SQOR: variants seen among roughly 807,000 people sequenced by gnomAD.
SQOR encodes sulfide quinone oxidoreductase.
In SQOR, 39 loss-of-function variants were observed where a neutral mutation model predicts 48.6. That is an observed-to-expected ratio of 0.80 (90% CI 0.62 to 1.05). The LOEUF (loss-of-function observed/expected upper bound fraction) is 1.05, where lower values mean the gene tolerates loss of function less well. SQOR is among the 50% of genes least tolerant of loss of function. The probability of loss-of-function intolerance (pLI) is 0.00; values close to 1 mark genes in which losing one functional copy is unlikely to be tolerated. For missense variants in SQOR, 561 were observed against 559.9 expected (o/e 1.00, Z -0.02); for synonymous variants, 220 against 206.2 (o/e 1.07, Z -0.57).
In SQOR at chr15:45,669,998, T is replaced by C; in HGVS notation, c.459+17T>C. ...TATGAGAAGGTACCGTGTGAAACTGTTTCTGTGTTACGCTGGCTTATCTAT... is the reference window on the plus strand; with the variant it reads ...TATGAGAAGGTACCGTGTGAAACTGCTTCTGTGTTACGCTGGCTTATCTAT... On this transcript the variant is annotated intron_variant, in intron 4 of 9. Transcript: ENST00000260324. The C allele has an allele frequency of 6.2e-7, 1 of 1,613,124 alleles. No individual in the cohort carries two copies. Among genetic ancestry groups the C allele is most frequent in the Non-Finnish European group, 8.5e-7 (1 of 1,179,104 alleles).
intron 1 of SQOR, among the ~76,000 whole-genome samples, chr15:45,637,023 C>T (rs1296149843): frequency 1.3e-5 from 2 of 149,670 alleles, no homozygotes; most frequent in African/African-American, 2.5e-5. Flanking sequence ...CTTGCTGTGT[C>T]GCCTAAGCTG....
At chr15:45,682,409 AGGGGGAG>A in intron 6 of SQOR, 62 bp from the exon 7 acceptor site, 3 of 1,538,254 alleles carry the variant, frequency 2.0e-6, no homozygotes, top group Admixed American at 3.6e-5. Context: ...TAAGGAAGGT[AGGGGGAG>A]AGCTTGTGGA....
upstream of SQOR, chr15:45,631,592 A>T (rs1472236577): frequency 6.6e-6 from 1 of 152,216 alleles, no homozygotes; most frequent in Non-Finnish European, 1.5e-5. Context: ...ACAGTACTGG[A>T]GGATCAGCCT....
At chr15:45,640,631 T>C (rs1448729342) in intron 1 of SQOR, among the ~76,000 whole-genome samples, 1 of 152,200 alleles carries the variant, frequency 6.6e-6, no homozygotes, top group Non-Finnish European at 1.5e-5. Context: ...CCTCACACAC[T>C]GGATTCCAAG....
At chr15:45,658,838 GA>G in intron 1 of SQOR, 68 bp from the exon 2 acceptor site, 1 of 1,267,920 alleles carries the variant, frequency 7.9e-7, no homozygotes, top group Non-Finnish European at 1.0e-6. Flanking sequence ...CTTCCTCCTG[GA>G]AAGAAAACGC....
Position 45,682,480 on chromosome 15 carries a change from T to TTCATGTA in SQOR, c.867_868insTCATGTA (p.Glu290SerfsTer24). 2 of 1,614,052 alleles carry TTCATGTA rather than the reference T, an allele frequency of 1.2e-6. No individual in the cohort carries two copies. The highest frequency in any genetic ancestry group is 1.7e-6 in the Non-Finnish European group (2 of 1,179,944). On this transcript the variant is annotated frameshift_variant, in exon 7 of 10. Transcript: ENST00000260324. LOFTEE classifies it high-confidence loss of function. Reference sequence around the variant, plus strand: ...GTGGATTCTCTCTTTGTGTGTAGTATGAAATGCTTCATGTCACACCTCCAA... The same window carrying TTCATGTA: ...GTGGATTCTCTCTTTGTGTGTAGTATTCATGTAGAAATGCTTCATGTCACACCTCCAA...
chr15:45,690,251 A>G (rs1167231218), intron 9 of SQOR, among the ~76,000 whole-genome samples: 1 of 152,016 alleles, frequency 6.6e-6, no homozygotes, highest in African/African-American at 2.4e-5. Context: ...TTTTTAGTAG[A>G]GACAGGGTTT....
intron 7 of SQOR, among the ~76,000 whole-genome samples, chr15:45,684,859 A>T (rs1362342079): frequency 6.6e-6 from 1 of 152,212 alleles, no homozygotes; most frequent in African/African-American, 2.4e-5. Flanking sequence ...TCTTGTTCCC[A>T]GTCCTGCAGT....
At chr15:45,641,808 C>T (rs1259093922) in intron 1 of SQOR, among the ~76,000 whole-genome samples, 1 of 152,168 alleles carries the variant, frequency 6.6e-6, no homozygotes, top group Non-Finnish European at 1.5e-5. Context: ...TGCTCACATC[C>T]TGTCTTCATT....
intron 1 of SQOR, among the ~76,000 whole-genome samples, chr15:45,635,959 C>T (rs1236473372): frequency 6.6e-6 from 1 of 152,084 alleles, no homozygotes; most frequent in Admixed American, 6.5e-5. Flanking sequence ...CCTCAGCCTG[C>T]CGAGTAACTG....
At chr15:45,682,282 T>A (rs1890137175) in intron 6 of SQOR, among the ~76,000 whole-genome samples, 196 bp from the exon 7 acceptor site, 1 of 152,188 alleles carries the variant, frequency 6.6e-6, no homozygotes, top group Admixed American at 6.5e-5. Flanking sequence ...ACTGAGAGAA[T>A]GGTTATTTAG....
chr15:45,672,069 C>T lies in SQOR; in HGVS notation c.460-1538C>T, dbSNP rs79549261. Among the ~76,000 whole-genome samples the T allele has an allele frequency of 1.6e-3, 240 of 152,254 alleles. 1 individual carries two copies. The highest frequency in any genetic ancestry group is 0.015 in the East Asian group (80 of 5,180). On this transcript the variant is annotated intron_variant, in intron 4 of 9. Transcript: ENST00000260324. ...CACTTTACGGCAACTTTTCCATCAA[C>T]GACAGCTTCTTAAAACTAGAGAAAA...
intron 1 of SQOR, among the ~76,000 whole-genome samples, chr15:45,648,520 A>G (rs1157691591): frequency 6.6e-6 from 1 of 152,232 alleles, no homozygotes; most frequent in African/African-American, 2.4e-5. Flanking sequence ...TGGATTTGAA[A>G]TAAGAAAATA....
intron 1 of SQOR, 38 bp from the exon 2 acceptor site, chr15:45,658,869 C>G: frequency 7.0e-7 from 1 of 1,418,728 alleles, no homozygotes; most frequent in Non-Finnish European, 9.3e-7. Flanking sequence ...ACGATGGTTT[C>G]TACCTTGGCA....
At chr15:45,664,423 C>G (rs1210410529) in intron 3 of SQOR, among the ~76,000 whole-genome samples, 1 of 152,108 alleles carries the variant, frequency 6.6e-6, no homozygotes, top group African/African-American at 2.4e-5. Context: ...TAAATTTTCT[C>G]TAGGTATATG....
At chr15:45,650,492 C>T (rs1042397326) in intron 1 of SQOR, among the ~76,000 whole-genome samples, 3 of 152,142 alleles carry the variant, frequency 2.0e-5, no homozygotes, top group African/African-American at 7.2e-5. Context: ...CCAGTGTGGA[C>T]TCAAAGAGCG....
At chr15:45,675,248 A>G (rs1890015577) in intron 5 of SQOR, among the ~76,000 whole-genome samples, 1 of 152,180 alleles carries the variant, frequency 6.6e-6, no homozygotes, top group Non-Finnish European at 1.5e-5. Context: ...TAGATGGCCT[A>G]CGAGGAAGGT....
At position 45,673,635 on chromosome 15, in the gene SQOR, A is replaced by T; in HGVS notation, c.488A>T (p.His163Leu). ...AAAGGCCTACCTGAAGGTTTCGCTC[A>T]TCCCAAAATAGGGTCGAATTATTCA... is the stretch of plus-strand genomic sequence containing the variant. ...KIKGLPEGFA[H>L]PKIGSNYSVK... Residue 163 changes from histidine (H) to leucine (L), a missense_variant, in exon 5 of 10, where the codon CAT becomes CTT. Physicochemically the swap from His to Leu is moderately conservative, Grantham distance 99 (BLOSUM62 -3). Coordinates refer to ENST00000260324, the MANE Select transcript of SQOR (RefSeq NM_021199.4). 6.2e-7 allele frequency: 1 copy of T among 1,614,040 alleles called. No individual in the cohort carries two copies. The highest frequency in any genetic ancestry group is 8.5e-7 in the Non-Finnish European group (1 of 1,179,942).
chr15:45,673,033 C>G (rs1348208828), intron 4 of SQOR, among the ~76,000 whole-genome samples: 1 of 152,156 alleles, frequency 6.6e-6, no homozygotes, highest in Non-Finnish European at 1.5e-5. Flanking sequence ...TGCTGCTGGT[C>G]TGAGCACCAC....
Sources: gnomAD v4.1 joint callset for allele counts (sites outside exome capture counted in the v4.1 genomes callset) on GRCh38, gnomAD v4.1.1 for gene constraint, MANE v1.5 for transcripts, NCBI Gene and HGNC (gene_info 2026-07-23, HGNC 2026-07-21) for gene names.